F7: variants seen among roughly 807,000 people sequenced by gnomAD.
F7 encodes the protein coagulation factor VII, also known as FVII coagulation protein.
In F7, 38 loss-of-function variants were observed where a neutral mutation model predicts 47.5. The observed-to-expected ratio is 0.80, with a 90% CI of 0.62 to 1.05. The LOEUF (loss-of-function observed/expected upper bound fraction) is 1.05. F7 is among the 50% of genes least tolerant of loss of function. F7 has a pLI of 0.00. For missense variants in F7, 575 were observed against 605.4 expected, an observed-to-expected ratio of 0.95 and a Z score of 0.53; for synonymous variants, 244 against 258.5, an observed-to-expected ratio of 0.94 and a Z score of 0.54.
chr13:113,111,277 G>A (rs1018231050), intron 2 of F7, among the ~76,000 whole-genome samples: 4 of 152,120 alleles, frequency 2.6e-5, no homozygotes, highest in Non-Finnish European at 4.4e-5. Flanking sequence ...GGCACGTGTC[G>A]GGGAGAAACA....
At position 113,117,468 on chromosome 13, in the gene F7, C is replaced by T. The variant is rs768049837; in HGVS notation, c.616-5C>T. 6.2e-7 allele frequency: 1 copy of T among 1,613,946 alleles called. No homozygotes were observed. The highest frequency in any genetic ancestry group is 8.5e-7 in the Non-Finnish European group (1 of 1,179,826). On this transcript the variant is annotated splice_polypyrimidine_tract_variant and splice_region_variant and intron_variant, in intron 6 of 7. Coordinates refer to ENST00000346342, the MANE Select transcript of F7 (RefSeq NM_019616.4). ...GACTTCCACACCTCCTGTCCCCCCGCCCAGGTCCTGTTGTTGGTGAATGGA... is the reference window on the plus strand; with the variant it reads ...GACTTCCACACCTCCTGTCCCCCCGTCCAGGTCCTGTTGTTGGTGAATGGA...
In F7 at chr13:113,113,304, C is replaced by G. The variant is rs1308944345; in HGVS notation, c.226-448C>G. On this transcript the variant is annotated intron_variant, in intron 2 of 7. Coordinates refer to ENST00000346342, the MANE Select transcript of F7 (RefSeq NM_019616.4). The surrounding 1 kb of genome is among the most constrained non-coding windows in gnomAD (Gnocchi z 4.1). ...TCATCTGTTGTATTCTCACAGCACC[C>G]CGTGAGTTTAAGTTCAGGTGGCCAA... Among the ~76,000 whole-genome samples the G allele has an allele frequency of 6.6e-6, 1 of 152,234 alleles. No individual in the cohort carries two copies. Among genetic ancestry groups the G allele is most frequent in the East Asian group, 1.9e-4 (1 of 5,204 alleles).
chr13:113,116,644 C>G, intron 5 of F7, 122 bp from the exon 6 acceptor site: 1 of 819,438 alleles, frequency 1.2e-6, no homozygotes, highest in South Asian at 1.4e-5. Flanking sequence ...GCTCCTGCTC[C>G]TGGGGGCCTC....
intron 6 of F7, 96 bp from the exon 7 acceptor site, chr13:113,117,377 G>A: frequency 6.4e-7 from 1 of 1,572,522 alleles, no homozygotes; most frequent in East Asian, 2.3e-5. Flanking sequence ...AAGAAATTGT[G>A]CAATGCCAGA....
At chr13:113,112,518 T>C in intron 2 of F7, among the ~76,000 whole-genome samples, 1 of 114,602 alleles carries the variant, frequency 8.7e-6, no homozygotes, top group African/African-American at 3.4e-5. Context: ...GATCATCTCA[T>C]TCTCACAGGA....
At chr13:113,110,036 C>T (rs954157412) in intron 1 of F7, among the ~76,000 whole-genome samples, 1 of 152,108 alleles carries the variant, frequency 6.6e-6, no homozygotes, top group African/African-American at 2.4e-5. Context: ...GCTGTGCTCT[C>T]AGGACCGGCC....
chr13:113,117,014 C>T (rs1439045134), intron 6 of F7, 139 bp downstream of exon 6: 1 of 737,192 alleles, frequency 1.4e-6, no homozygotes, highest in African/African-American at 1.7e-5. Context: ...CTAGCACCTC[C>T]AGCTCGCGGC....
chr13:113,109,788 G>T (rs931864291), intron 1 of F7, among the ~76,000 whole-genome samples: 10 of 152,168 alleles, frequency 6.6e-5, no homozygotes, highest in Non-Finnish European at 1.3e-4. Context: ...CCGCCCCGGG[G>T]CGGGGGTCAC....
At position 113,110,752 on chromosome 13, in the gene F7, C is replaced by G; in HGVS notation, c.127C>G (p.Leu43Val). The G allele has an allele frequency of 6.5e-7, 1 of 1,549,298 alleles. No individual in the cohort carries two copies. The change falls in exon 2 of 8, where the codon CTG (leucine) becomes GTG (valine). Residue 43 changes from leucine to valine, a missense_variant. Physicochemically the swap from Leu to Val is conservative, Grantham distance 32. Transcript: ENST00000346342. ...LHRRRRANAF[L>V]EELRPGSLER... ...CCGGCGCCGGCGCGCCAACGCGTTCCTGGAGGAGCTGCGGCCGGGCTCCCT... is the reference window on the plus strand; with the variant it reads ...CCGGCGCCGGCGCGCCAACGCGTTCGTGGAGGAGCTGCGGCCGGGCTCCCT...
chr13:113,110,559 C>G (rs928458681), intron 1 of F7, 131 bp from the exon 2 acceptor site: 11 of 1,282,650 alleles, frequency 8.6e-6, no homozygotes, highest in African/African-American at 6.0e-5. Context: ...GCCAGGCCCG[C>G]GAGCAGCGCC....
At chr13:113,109,344 G>A (rs559198130) in intron 1 of F7, among the ~76,000 whole-genome samples, 8 of 151,966 alleles carry the variant, frequency 5.3e-5, no homozygotes, top group South Asian at 2.1e-4. Flanking sequence ...GTGAGGACTC[G>A]GAGTCCGTGA....
chr13:113,106,760 G>T, intron 1 of F7: 3 of 1,333,972 alleles, frequency 2.2e-6, no homozygotes, highest in Non-Finnish European at 3.2e-6. Flanking sequence ...TGGGGGGTGG[G>T]CTGTGAGGGA....
chr13:113,116,504 C>G lies in F7; in HGVS notation c.506-262C>G, dbSNP rs1386007039. On this transcript the variant is annotated intron_variant, in intron 5 of 7. Transcript: ENST00000346342. ...AGGGCGGTTTTAAGACGTAAGCCCT[C>G]TGTTTCCTCCAAAACCAGCCCTGAC... Among the ~76,000 whole-genome samples the G allele has an allele frequency of 2.0e-5, 3 of 152,374 alleles. No homozygotes were observed. In the East Asian group the frequency reaches 5.8e-4, roughly 29 times the overall value.
At chr13:113,109,839 G>C (rs556708632) in intron 1 of F7, among the ~76,000 whole-genome samples, 1 of 152,316 alleles carries the variant, frequency 6.6e-6, no homozygotes, top group East Asian at 1.9e-4. Context: ...CGGCGCTCCC[G>C]GGTGACGGTC....
intron 4 of F7, 103 bp downstream of exon 4, chr13:113,114,063 T>A: frequency 8.0e-7 from 1 of 1,248,596 alleles, no homozygotes; most frequent in Non-Finnish European, 1.1e-6. Flanking sequence ...GTGGGGTGTG[T>A]AGGCCGGGCA....
At chr13:113,118,249 C>G (rs1411565867) in intron 7 of F7, among the ~76,000 whole-genome samples, 164 bp from the exon 8 acceptor site, 1 of 152,240 alleles carries the variant, frequency 6.6e-6, no homozygotes, top group African/African-American at 2.4e-5. Flanking sequence ...CAGGCTGCCA[C>G]CTGGGGCAGG....
In F7 at chr13:113,118,253, G is replaced by T. The variant is rs45614635; in HGVS notation, c.740-160G>T. Among the ~76,000 whole-genome samples the T allele has an allele frequency of 6.2e-3, 943 of 152,292 alleles. 12 individuals carry two copies. Among genetic ancestry groups the T allele is most frequent in the South Asian group, 0.011 (51 of 4,826 alleles). The stretch of plus-strand genomic sequence containing the variant: ...CACACGAGCCACAGGCTGCCACCTG[G>T]GGCAGGCTGGCCCCACCTTGGGGTT... On this transcript the variant is annotated intron_variant, in intron 7 of 7. Coordinates refer to ENST00000346342, the MANE Select transcript of F7 (RefSeq NM_019616.4).
chr13:113,117,684 TC>T, intron 7 of F7, 88 bp downstream of exon 7: 1 of 1,501,044 alleles, frequency 6.7e-7, no homozygotes. Flanking sequence ...GGTGCCACTC[TC>T]CCCTGTCCGA....
At chr13:113,110,992 G>T (rs2036082520) in intron 2 of F7, 142 bp downstream of exon 2, 7 of 953,482 alleles carry the variant, frequency 7.3e-6, no homozygotes, top group Middle Eastern at 3.5e-4. Context: ...TTCTGCGGGG[G>T]TCGCTTTCCG....
Sources: gnomAD v4.1 joint callset for allele counts (sites outside exome capture counted in the v4.1 genomes callset) on GRCh38, gnomAD v4.1.1 for gene constraint, Gnocchi (gnomAD v3.1) non-coding constraint, MANE v1.5 for transcripts, NCBI Gene and HGNC (gene_info 2026-07-23, HGNC 2026-07-21) for gene names.